CASTOR1: variants seen among roughly 807,000 people sequenced by gnomAD.
CASTOR1 encodes GATS protein like 3.
Under a neutral mutation model 33.7 loss-of-function variants are expected in CASTOR1, and 18 were observed. That is an observed-to-expected ratio of 0.53 (90% CI 0.37 to 0.79). The LOEUF (loss-of-function observed/expected upper bound fraction) is 0.79, where lower values mean the gene tolerates loss of function less well. Among genes scored for constraint, CASTOR1 ranks in the 30% least tolerant of loss-of-function variants. The pLI, the probability that CASTOR1 is intolerant of heterozygous loss-of-function variation, is 0.00. For synonymous variants in CASTOR1, 175 were observed against 190.6 expected, an observed-to-expected ratio of 0.92 and a Z score of 0.67; for missense variants, 362 against 446.3, an observed-to-expected ratio of 0.81 and a Z score of 1.70.
At position 30,287,198 on chromosome 22, in the gene CASTOR1, C is replaced by T; in HGVS notation, c.462G>A (p.Val154=). Residue 154 remains valine (V), a synonymous_variant, in exon 4 of 9, where the codon GTG becomes GTA. Transcript: ENST00000407689. Reference sequence around the variant, plus strand: ...AGCCATTGCTGGAATCATCCCTCGTCACAGGCACAGGCTCTCCGCCCACCT... The same window carrying T: ...AGCCATTGCTGGAATCATCCCTCGTTACAGGCACAGGCTCTCCGCCCACCT... ...YREVGGEPVP[V]TRDDSSNGFP... is the part of the protein sequence containing the mutation. The T allele has an allele frequency of 3.7e-6, 6 of 1,609,332 alleles. No individual in the cohort carries two copies.
intron 1 of CASTOR1, chr22:30,289,065 G>T: frequency 1.8e-6 from 1 of 562,322 alleles, no homozygotes; most frequent in Non-Finnish European, 3.2e-6. Flanking sequence ...GGACCCCCTA[G>T]TCCAGCCCCT....
chr22:30,286,619 G>A (rs1388400183), intron 5 of CASTOR1: 2 of 728,186 alleles, frequency 2.7e-6, no homozygotes, highest in East Asian at 2.7e-5. Context: ...CCAGGGCATG[G>A]CTCAGACGAC....
Position 30,289,367 on chromosome 22 carries a change from C to A in CASTOR1, c.113+18G>T, listed in dbSNP as rs767980587. The A allele has an allele frequency of 1.9e-5, 30 of 1,575,848 alleles. No homozygotes were observed. Among genetic ancestry groups the A allele is most frequent in the Non-Finnish European group, 2.6e-6 (3 of 1,155,992 alleles). ...GAGCCCCCAGCCCCTATCTGCGCTC[C>A]CGAACCCGGGCGCGCACCGGCTGCG... On this transcript the variant is annotated intron_variant, in intron 1 of 8. Transcript: ENST00000407689.
chr22:30,287,318 G>A (rs1325234244), intron 3 of CASTOR1, 31 bp from the exon 4 acceptor site: 1 of 1,578,306 alleles, frequency 6.3e-7, no homozygotes. Context: ...CATCACATGG[G>A]CTCCCAGGTA....
chr22:30,289,068 C>T (rs1929864313), intron 1 of CASTOR1: 3 of 561,432 alleles, frequency 5.3e-6, no homozygotes, highest in South Asian at 4.2e-5. Context: ...CCCCCTAGTC[C>T]AGCCCCTCTG....
At chr22:30,285,785 C>T (rs1244490717) in intron 8 of CASTOR1, 47 bp downstream of exon 8, 6 of 1,565,424 alleles carry the variant, frequency 3.8e-6, no homozygotes, top group Non-Finnish European at 3.5e-6. Context: ...CTGCCGCCCA[C>T]ATTTCTGGGC....
Position 30,286,280 on chromosome 22 carries a change from A to T in CASTOR1, c.726T>A (p.Asp242Glu), listed in dbSNP as rs1488366965. ...LIEGYISIVM[D>E]AETQKKFPSD... ...TCACCTACTTTTTCTGTGTTTCAGC[A>T]TCCATGACAATGGAGATATAACCCT... The change falls in exon 6 of 9, where the codon GAT becomes GAA. Residue 242 changes from aspartate to glutamate, a missense_variant. Transcript: ENST00000407689. The T allele has an allele frequency of 6.2e-7, 1 of 1,613,190 alleles. No homozygotes were observed. The highest frequency in any genetic ancestry group is 1.3e-5 in the African/African-American group (1 of 74,910).
Position 30,286,935 on chromosome 22 carries a change from C to T in CASTOR1, c.519G>A (p.Thr173=), listed in dbSNP as rs772227429. Reference sequence around the variant, plus strand: ...TCTGTGGGCTCTGGATGGGATGCACCGTGGGGCTGGGCCCTGCTGGAGGAC... The same window carrying T: ...TCTGTGGGCTCTGGATGGGATGCACTGTGGGGCTGGGCCCTGCTGGAGGAC... ...FPRTQHGPSP[T]VHPIQSPQNR... Residue 173 remains threonine, a synonymous_variant, in exon 5 of 9, where the codon ACG becomes ACA. Coordinates refer to ENST00000407689, the MANE Select transcript of CASTOR1 (RefSeq NM_001037666.3). The T allele has an allele frequency of 6.8e-6, 11 of 1,612,812 alleles. No individual in the cohort carries two copies. The highest frequency in any genetic ancestry group is 1.7e-5 in the Admixed American group (1 of 59,928).
At chr22:30,288,308 G>A (rs1929836011) in intron 2 of CASTOR1, among the ~76,000 whole-genome samples, 1 of 151,906 alleles carries the variant, frequency 6.6e-6, no homozygotes, top group Admixed American at 6.5e-5. Flanking sequence ...CAGACCAGCA[G>A]GGGAGGAGGT....
At position 30,286,841 on chromosome 22, in the gene CASTOR1, G is replaced by A; in HGVS notation, c.613C>T (p.Leu205Phe). Residue 205 changes from leucine (L) to phenylalanine (F), a missense_variant, in exon 5 of 9, where the codon CTC (leucine) becomes TTC (phenylalanine). Physicochemically the swap from Leu to Phe is conservative, Grantham distance 22 (BLOSUM62 0). Transcript: ENST00000407689. Reference sequence around the variant, plus strand: ...AAGGTCCACCTGTGCGAGTAGAAGAGGACATCTATGAGGGTGGTGGCGATG... The same window carrying A: ...AAGGTCCACCTGTGCGAGTAGAAGAAGACATCTATGAGGGTGGTGGCGATG... ...PAIATTLIDV[L>F]FYSHSTPKEA... 2 of 1,614,224 alleles carry A rather than the reference G, an allele frequency of 1.2e-6. No individual in the cohort carries two copies. The highest frequency in any genetic ancestry group is 1.7e-6 in the Non-Finnish European group (2 of 1,180,034).
chr22:30,288,409 G>C (rs753981543), intron 2 of CASTOR1, among the ~76,000 whole-genome samples: 43 of 152,170 alleles, frequency 2.8e-4, no homozygotes, highest in Non-Finnish European at 5.4e-4. Context: ...AGGCCCTTCT[G>C]CAGGCCTAAG....
At chr22:30,288,088 GC>G (rs1929828807) in intron 2 of CASTOR1, 3 of 353,288 alleles carry the variant, frequency 8.5e-6, no homozygotes, top group Admixed American at 3.9e-5. Flanking sequence ...GAGACTCCAA[GC>G]CTGTGAGGAT....
In CASTOR1 at chr22:30,286,918, C is replaced by T. The variant is rs761997957; in HGVS notation, c.536G>A (p.Ser179Asn). The T allele has an allele frequency of 1.3e-5, 21 of 1,613,830 alleles. No homozygotes were observed. In the African/African-American group the frequency reaches 1.9e-4, roughly 14 times the overall value. ...GAGGACACAGAAGCGGTTCTGTGGG[C>T]TCTGGATGGGATGCACCGTGGGGCT... is the stretch of plus-strand genomic sequence containing the variant. ...GPSPTVHPIQ[S>N]PQNRFCVLTL... is the part of the protein sequence containing the mutation. The change falls in exon 5 of 9, where the codon AGC becomes AAC. Residue 179 changes from serine to asparagine, a missense_variant. Ser to Asn is a conservative substitution (Grantham distance 46, BLOSUM62 1). Coordinates refer to ENST00000407689, the MANE Select transcript of CASTOR1 (RefSeq NM_001037666.3).
At position 30,285,820 on chromosome 22, in the gene CASTOR1, C is replaced by CTTGGTGCTCCCCCTGCCCCAGCCA; in HGVS notation, c.921+11_921+12insTGGCTGGGGCAGGGGGAGCACCAA. The CTTGGTGCTCCCCCTGCCCCAGCCA allele has an allele frequency of 6.2e-7, 1 of 1,603,464 alleles. No homozygotes were observed. Among genetic ancestry groups the CTTGGTGCTCCCCCTGCCCCAGCCA allele is most frequent in the Admixed American group, 1.7e-5 (1 of 58,102 alleles). On this transcript the variant is annotated intron_variant, in intron 8 of 8. Coordinates refer to ENST00000407689, the MANE Select transcript of CASTOR1 (RefSeq NM_001037666.3). ...CCTCACTCTCCCCTCTGCCCCAGCC[C>CTTGGTGCTCCCCCTGCCCCAGCCA]TTGGTGCTCACCAGGGCGTGGTCGA...
chr22:30,289,021 A>AC, intron 1 of CASTOR1: 1 of 550,522 alleles, frequency 1.8e-6, no homozygotes, highest in South Asian at 2.2e-5. Flanking sequence ...AGAGGTTCAC[A>AC]CCCGCGGCGA....
rs1339226315 is a variant in CASTOR1 at position 30,289,392 on chromosome 22, G to A, written c.106C>T (p.Arg36Cys). 1.9e-6 allele frequency: 3 copies of A among 1,587,388 alleles called. No homozygotes were observed. The highest frequency in any genetic ancestry group is 4.6e-5 in the East Asian group (2 of 43,618). Residue 36 changes from arginine to cysteine, a missense_variant, in exon 1 of 9, where the codon CGC becomes TGC. By Grantham distance (180) the Arg-to-Cys change is radical (BLOSUM62 -3). Transcript: ENST00000407689. ...PLIKLLFLPR[R>C]SRCKFFSLTE... ...CCGAACCCGGGCGCGCACCGGCTGC[G>A]GCGGGGCAGGAAGAGCAGCTTGATG...
chr22:30,285,463 A>C lies in CASTOR1; in HGVS notation c.*157T>G. On this transcript the variant is annotated 3_prime_UTR_variant, in exon 9 of 9. Transcript: ENST00000407689. ...TGAGTGTACACAGGTGTCCGCGTAA[A>C]AGCCGGTGCCTGCACGCAGCTTACA... The C allele has an allele frequency of 1.6e-6, 1 of 614,584 alleles. No homozygotes were observed. Among genetic ancestry groups the C allele is most frequent in the South Asian group, 1.9e-5 (1 of 52,280 alleles). 38.1% of individuals were successfully genotyped at this position (614,584 alleles called of 1,614,324 possible).
At position 30,287,475 on chromosome 22, in the gene CASTOR1, C is replaced by T. The variant is rs1268486262; in HGVS notation, c.270G>A (p.Gln90=). The T allele has an allele frequency of 6.2e-7, 1 of 1,613,364 alleles. No homozygotes were observed. The highest frequency in any genetic ancestry group is 1.3e-5 in the African/African-American group (1 of 75,072). The part of the protein sequence containing the change: ...NVSSHSGAAV[Q]AAGVTKIARS... ...GGGCGATCTTGGTGACCCCAGCAGC[C>T]TGCACTGCCGCACCGCTGTGAGACG... The change falls in exon 3 of 9, where the codon CAG becomes CAA. Residue 90 remains glutamine (Q), a synonymous_variant. Coordinates refer to ENST00000407689, the MANE Select transcript of CASTOR1 (RefSeq NM_001037666.3).
chr22:30,286,669 C>A (rs1018589166), intron 5 of CASTOR1, 156 bp downstream of exon 5: 2 of 988,100 alleles, frequency 2.0e-6, no homozygotes, highest in Non-Finnish European at 1.5e-6. Flanking sequence ...AAGAACCTTC[C>A]CCGAACATCA....
Sources: gnomAD v4.1 joint callset for allele counts (sites outside exome capture counted in the v4.1 genomes callset) on GRCh38, gnomAD v4.1.1 for gene constraint, MANE v1.5 for transcripts, NCBI Gene and HGNC (gene_info 2026-07-23, HGNC 2026-07-21) for gene names.